Variants in ACTN2 observed in about 807,000 individuals in gnomAD.
The protein encoded by ACTN2 is actinin alpha 2, also known as alpha-actinin-2.
A neutral mutation model predicts 113.8 loss-of-function variants in ACTN2; 39 were observed. The observed-to-expected ratio is 0.34, with a 90% CI of 0.27 to 0.45. The LOEUF (loss-of-function observed/expected upper bound fraction) is 0.45, where lower values mean the gene tolerates loss of function less well. ACTN2 is among the 20% of genes least tolerant of loss of function. The probability of loss-of-function intolerance (pLI) is 1.00; values close to 1 mark genes in which losing one functional copy is unlikely to be tolerated. For synonymous variants in ACTN2, 429 were observed against 444.1 expected, an observed-to-expected ratio of 0.97 and a Z score of 0.43; for missense variants, 992 against 1,177.9, an observed-to-expected ratio of 0.84 and a Z score of 2.31.
intron 3 of ACTN2, 125 bp downstream of exon 3, chr1:236,719,138 T>G (rs1658308267): frequency 7.2e-7 from 1 of 1,385,034 alleles, no homozygotes; most frequent in African/African-American, 1.4e-5. Flanking sequence ...TGTATCAGGC[T>G]CTCTCTTAGG....
chr1:236,711,219 C>G (rs373285415), intron 1 of ACTN2, among the ~76,000 whole-genome samples: 1 of 152,232 alleles, frequency 6.6e-6, no homozygotes, highest in African/African-American at 2.4e-5. Flanking sequence ...ATATTTGTTC[C>G]AGCTGTCTAA....
intron 12 of ACTN2, 65 bp from the exon 13 acceptor site, chr1:236,747,602 A>T: frequency 7.1e-7 from 1 of 1,406,180 alleles, no homozygotes; most frequent in Non-Finnish European, 9.9e-7. Context: ...TTTCTTTTTT[A>T]GCCCATGTTC....
At chr1:236,728,267 C>A (rs1243627110) in intron 6 of ACTN2, among the ~76,000 whole-genome samples, 1 of 152,024 alleles carries the variant, frequency 6.6e-6, no homozygotes, top group Non-Finnish European at 1.5e-5. Flanking sequence ...CCTCAGCCTC[C>A]CGAGTAACTG....
chr1:236,696,722 G>A (rs2102864906), intron 1 of ACTN2, among the ~76,000 whole-genome samples: 1 of 147,008 alleles, frequency 6.8e-6, no homozygotes, highest in South Asian at 2.2e-4. Context: ...CTGGAGTGCA[G>A]TGGCGCAATC....
intron 14 of ACTN2, 131 bp downstream of exon 14, chr1:236,749,395 A>G: frequency 2.5e-6 from 3 of 1,184,132 alleles, no homozygotes; most frequent in Non-Finnish European, 2.4e-6. Context: ...AGAAAGCCCA[A>G]ATTACCCTTG....
rs1030273563 is a variant in ACTN2, at chr1:236,764,155, A to T, written c.*1536A>T. 3.9e-5 allele frequency: 6 copies of T among 152,164 alleles called. No homozygotes were observed. Among genetic ancestry groups the T allele is most frequent in the African/African-American group, 1.4e-4 (6 of 41,416 alleles). 9.4% of individuals were successfully genotyped at this position (152,164 alleles called of 1,614,324 possible). A position where few individuals can be genotyped will look rare whatever the true frequency, so the allele number is the denominator to read the frequency against. On this transcript the variant is annotated 3_prime_UTR_variant, in exon 21 of 21. Coordinates refer to ENST00000366578, the MANE Select transcript of ACTN2 (RefSeq NM_001103.4). ...TTGACTCTTCTTCCTACACTGGGCC[A>T]TTTAGAACCTTCAACCTTTATGAAT...
intron 4 of ACTN2, among the ~76,000 whole-genome samples, chr1:236,720,956 G>A (rs1658364943): frequency 6.7e-6 from 1 of 149,354 alleles, no homozygotes; most frequent in South Asian, 2.1e-4. Context: ...GAGTGGTAAG[G>A]GGTGGAGACG....
At chr1:236,737,299 A>C (rs547374091) in intron 9 of ACTN2, 85 bp downstream of exon 9, 1 of 146,680 alleles carries the variant, frequency 6.8e-6, no homozygotes, top group African/African-American at 3.2e-5. Flanking sequence ...CCGTGGGGGC[A>C]TATATATATA....
intron 9 of ACTN2, among the ~76,000 whole-genome samples, chr1:236,737,560 T>C (rs553352398): frequency 1.4e-3 from 211 of 150,584 alleles, no homozygotes; most frequent in Non-Finnish European, 1.8e-3. Context: ...TTTTTTTTTT[T>C]CCTGTTCACT....
chr1:236,762,425 G>T, intron 20 of ACTN2, 36 bp from the exon 21 acceptor site: 1 of 1,613,304 alleles, frequency 6.2e-7, no homozygotes, highest in South Asian at 1.1e-5. Context: ...TGGTGTTTCT[G>T]CAACTGACTG....
rs2288601 is a variant in ACTN2 at position 236,739,294 on chromosome 1, C to G, written c.877-8C>G. 1,248,264 of 1,613,424 alleles carry G rather than the reference C, an allele frequency of 0.77. 483,263 individuals are homozygous for G. Among genetic ancestry groups the G allele is most frequent in the African/African-American group, 0.78 (57,984 of 74,792 alleles). ...GTCTTCAGCAGTATTTTTGTGTTTGCGGAGCAGCTTTTGGAATGGATTCGT... is the reference window on the plus strand; with the variant it reads ...GTCTTCAGCAGTATTTTTGTGTTTGGGGAGCAGCTTTTGGAATGGATTCGT... On this transcript the variant is annotated splice_polypyrimidine_tract_variant and splice_region_variant and intron_variant, in intron 9 of 20. Coordinates refer to ENST00000366578, the MANE Select transcript of ACTN2 (RefSeq NM_001103.4).
At chr1:236,737,333 C>T (rs1197673083) in intron 9 of ACTN2, 119 bp downstream of exon 9, 5 of 190,118 alleles carry the variant, frequency 2.6e-5, no homozygotes, top group Non-Finnish European at 5.9e-5. Flanking sequence ...CATTTTTCAT[C>T]TCAGATAGGA....
At chr1:236,700,458 G>T (rs1657639716) in intron 1 of ACTN2, among the ~76,000 whole-genome samples, 1 of 152,196 alleles carries the variant, frequency 6.6e-6, no homozygotes, top group South Asian at 2.1e-4. Context: ...TATGTGGGTG[G>T]CTTACCACAG....
chr1:236,728,213 G>A (rs1002494191), intron 6 of ACTN2, among the ~76,000 whole-genome samples: 15 of 146,932 alleles, frequency 1.0e-4, no homozygotes, highest in African/African-American at 3.8e-4. Flanking sequence ...GTGTGATCTC[G>A]GCTCACAGCA....
At position 236,763,015 on chromosome 1, in the gene ACTN2, G is replaced by A. The variant is rs181994486; in HGVS notation, c.*396G>A. 4.0e-3 allele frequency: 1,245 copies of A among 311,196 alleles called. 7 individuals are homozygous for A. Among genetic ancestry groups the A allele is most frequent in the Non-Finnish European group, 5.3e-3 (851 of 160,438 alleles). The allele number at this position is 311,196 out of a possible 1,614,324, so 19.3% of individuals were successfully genotyped here. A position where few individuals can be genotyped will look rare whatever the true frequency, so the allele number is the denominator to read the frequency against. On this transcript the variant is annotated 3_prime_UTR_variant, in exon 21 of 21. Transcript: ENST00000366578. ...AAAAACCACAAATTGGTAAATAAAGGTTTGCTATTTGTAAAAAATTTCATT... is the reference window on the plus strand; with the variant it reads ...AAAAACCACAAATTGGTAAATAAAGATTTGCTATTTGTAAAAAATTTCATT...
intron 6 of ACTN2, among the ~76,000 whole-genome samples, chr1:236,728,749 C>G (rs1334420687): frequency 1.3e-5 from 2 of 151,972 alleles, no homozygotes; most frequent in East Asian, 3.9e-4. Context: ...AGTTTTAAGG[C>G]CGGATGTGGT....
chr1:236,746,766 A>C (rs909895968), intron 12 of ACTN2, among the ~76,000 whole-genome samples: 1 of 152,004 alleles, frequency 6.6e-6, no homozygotes, highest in Non-Finnish European at 1.5e-5. Flanking sequence ...TAGAATGCAT[A>C]GATGGATCTG....
intron 1 of ACTN2, among the ~76,000 whole-genome samples, chr1:236,699,435 C>T (rs1657610338): frequency 1.3e-5 from 2 of 152,200 alleles, no homozygotes. Flanking sequence ...GAAGGGGCCA[C>T]AGGAGAAGTC....
In ACTN2 at chr1:236,725,856, T is replaced by A. The variant is rs1572119987; in HGVS notation, c.449-77T>A. ...TGGGTGATCGACCCCCTGGGAGGTC[T>A]GTTTCAAAAGTGACTAGGAGCTAAG... On this transcript the variant is annotated intron_variant, in intron 4 of 20. Transcript: ENST00000366578. 8 of 1,342,992 alleles carry A rather than the reference T, an allele frequency of 6.0e-6. No homozygotes were observed. In the African/African-American group the frequency reaches 7.2e-5, roughly 12 times the overall value. 83.2% of individuals were successfully genotyped at this position (1,342,992 alleles called of 1,614,324 possible).
Sources: gnomAD v4.1 joint callset for allele counts (sites outside exome capture counted in the v4.1 genomes callset) on GRCh38, gnomAD v4.1.1 for gene constraint, MANE v1.5 for transcripts, NCBI Gene and HGNC (gene_info 2026-07-23, HGNC 2026-07-21) for gene names.